The following ROCK2 variants were observed in gnomAD, a reference collection of about 807,000 sequenced individuals.
ROCK2 encodes the protein rho-associated protein kinase 2.
Under a neutral mutation model 195.1 loss-of-function variants are expected in ROCK2, and 61 were observed. That is an observed-to-expected ratio of 0.31 (90% CI 0.25 to 0.39). The LOEUF is 0.39. Ranked by LOEUF, ROCK2 falls within the 10% of genes least tolerant of loss-of-function variation. The probability of loss-of-function intolerance (pLI) is 1.00; values close to 1 mark genes in which losing one functional copy is unlikely to be tolerated. For missense variants in ROCK2, 1,109 were observed against 1,637.4 expected, an observed-to-expected ratio of 0.68 and a Z score of 5.57; for synonymous variants, 504 against 545.5, an observed-to-expected ratio of 0.92 and a Z score of 1.06.
chr2:11,330,777 GGGAA>G (rs1475187124), intron 1 of ROCK2, among the ~76,000 whole-genome samples: 75 of 72,762 alleles, frequency 1.0e-3, no homozygotes, highest in East Asian at 3.1e-3. Flanking sequence ...GGAGGAGGGA[GGGAA>G]GAGGAGGAGA....
At chr2:11,291,410 C>T (rs59883361) in intron 1 of ROCK2, among the ~76,000 whole-genome samples, 7 of 152,120 alleles carry the variant, frequency 4.6e-5, no homozygotes, top group Non-Finnish European at 1.0e-4. Context: ...ATTAGCCGCG[C>T]GTGGTGGCGC....
chr2:11,340,289 A>G (rs1357488386), intron 1 of ROCK2, among the ~76,000 whole-genome samples: 1 of 152,212 alleles, frequency 6.6e-6, no homozygotes, highest in Non-Finnish European at 1.5e-5. Context: ...ATCAAGAGGA[A>G]TGACTAGACC....
At chr2:11,280,646 A>G (rs1666969715) in intron 3 of ROCK2, among the ~76,000 whole-genome samples, 1 of 152,154 alleles carries the variant, frequency 6.6e-6, no homozygotes, top group Non-Finnish European at 1.5e-5. Context: ...TGAATGAATG[A>G]TAACTCTATG....
intron 5 of ROCK2, chr2:11,233,854 CAG>C (rs1224219431): frequency 2.0e-5 from 3 of 152,084 alleles, no homozygotes; most frequent in African/African-American, 7.2e-5. Flanking sequence ...CAGAATGAGA[CAG>C]AAACTGAATG....
chr2:11,239,552 G>A (rs1318771282), intron 4 of ROCK2, among the ~76,000 whole-genome samples: 2 of 152,038 alleles, frequency 1.3e-5, no homozygotes, highest in African/African-American at 4.8e-5. Flanking sequence ...AAATATATCT[G>A]CCAAAGACTA....
intron 3 of ROCK2, among the ~76,000 whole-genome samples, chr2:11,281,931 T>C (rs942393069): frequency 6.6e-6 from 1 of 152,174 alleles, no homozygotes; most frequent in East Asian, 1.9e-4. Flanking sequence ...TCTTCAAATA[T>C]AGACCAAGTT....
At chr2:11,227,470 A>G (rs1395018980) in intron 5 of ROCK2, 72 bp from the exon 6 acceptor site, 1 of 1,370,562 alleles carries the variant, frequency 7.3e-7, no homozygotes, top group Non-Finnish European at 1.0e-6. Context: ...CAATGAATCC[A>G]TTTATTACTA....
intron 25 of ROCK2, 95 bp downstream of exon 25, chr2:11,198,396 G>T: frequency 2.4e-6 from 2 of 832,516 alleles, no homozygotes. Context: ...TACATTCGAT[G>T]ACTACTGCTA....
intron 1 of ROCK2, among the ~76,000 whole-genome samples, chr2:11,315,817 C>A (rs1668174019): frequency 6.6e-6 from 1 of 151,986 alleles, no homozygotes; most frequent in Non-Finnish European, 1.5e-5. Flanking sequence ...TTACATATAT[C>A]TAAAATAGAG....
chr2:11,195,318 C>CA (rs35881542), intron 27 of ROCK2: 6,850 of 137,864 alleles, frequency 0.05, 303 homozygotes, highest in African/African-American at 0.13. Context: ...GAAAAGTTGC[C>CA]AAAAAAAAAA....
chr2:11,261,677 C>G (rs561408661), intron 3 of ROCK2, among the ~76,000 whole-genome samples: 42 of 152,144 alleles, frequency 2.8e-4, no homozygotes, highest in African/African-American at 9.6e-4. Flanking sequence ...ATTAGGCGGG[C>G]GTGGTGGCAG....
chr2:11,336,652 C>T (rs983415566), intron 1 of ROCK2, among the ~76,000 whole-genome samples: 1 of 152,328 alleles, frequency 6.6e-6, no homozygotes, highest in East Asian at 1.9e-4. Context: ...AAAAGTCCAA[C>T]TGTCAGTAAA....
chr2:11,331,003 GAAGGAGCAGAAAGA>G lies in ROCK2; in HGVS notation c.141+12979_141+12992del, dbSNP rs1558400538. Reference sequence around the variant, plus strand: ...AGGAGAAGGAAAGAGGAGGAGGGAGGAAGGAGCAGAAAGAAGGAGGGAGGAGGAGGGAGGAGGAG... The same window carrying G: ...AGGAGAAGGAAAGAGGAGGAGGGAGGAGGAGGGAGGAGGAGGGAGGAGGAG... On this transcript the variant is annotated intron_variant, in intron 1 of 32. Coordinates refer to ENST00000315872, the MANE Select transcript of ROCK2 (RefSeq NM_004850.5). 2.1e-4 allele frequency among the ~76,000 whole-genome samples: 15 copies of G among 70,064 alleles called. 1 individual carries two copies. Among genetic ancestry groups the G allele is most frequent in the Admixed American group, 4.3e-4 (3 of 6,980 alleles). The allele number at this position is 70,064 out of a possible 152,430, so 46.0% of individuals were successfully genotyped here. A position where few individuals can be genotyped will look rare whatever the true frequency, so the allele number is the denominator to read the frequency against.
At chr2:11,329,643 AAAACAATCT>A (rs1668657625) in intron 1 of ROCK2, among the ~76,000 whole-genome samples, 1 of 151,980 alleles carries the variant, frequency 6.6e-6, no homozygotes, top group South Asian at 2.1e-4. Context: ...TTAAAAATGG[AAAACAATCT>A]GTTTTCCAGC....
At chr2:11,298,356 G>A (rs1667600113) in intron 1 of ROCK2, among the ~76,000 whole-genome samples, 1 of 151,314 alleles carries the variant, frequency 6.6e-6, no homozygotes, top group African/African-American at 2.4e-5. Context: ...TATAGTCCCA[G>A]CTACTTGGGA....
intron 4 of ROCK2, among the ~76,000 whole-genome samples, chr2:11,236,518 T>A (rs1422239640): frequency 2.6e-5 from 4 of 152,170 alleles, no homozygotes; most frequent in Admixed American, 2.0e-4. Context: ...ACCTTGTTCA[T>A]GATAAACAAG....
chr2:11,314,531 A>T (rs1448982993), intron 1 of ROCK2, among the ~76,000 whole-genome samples: 1 of 151,992 alleles, frequency 6.6e-6, no homozygotes, highest in Non-Finnish European at 1.5e-5. Flanking sequence ...TTACATGCAA[A>T]ACCCAGTAAG....
chr2:11,252,524 C>T (rs1665868904), intron 3 of ROCK2, among the ~76,000 whole-genome samples: 1 of 152,128 alleles, frequency 6.6e-6, no homozygotes, highest in Non-Finnish European at 1.5e-5. Flanking sequence ...CAGCACTGTT[C>T]ACAACAGCAA....
chr2:11,238,955 G>C (rs1393599050), intron 4 of ROCK2, among the ~76,000 whole-genome samples: 1 of 151,684 alleles, frequency 6.6e-6, no homozygotes, highest in African/African-American at 2.4e-5. Context: ...AAAGGTGCCA[G>C]GGCAATTTAA....
Sources: gnomAD v4.1 joint callset for allele counts (sites outside exome capture counted in the v4.1 genomes callset) on GRCh38, gnomAD v4.1.1 for gene constraint, MANE v1.5 for transcripts, NCBI Gene and HGNC (gene_info 2026-07-23, HGNC 2026-07-21) for gene names.